The following RBM47 variants were observed in gnomAD, a reference collection of about 807,000 sequenced individuals.
RBM47 encodes the protein RNA-binding protein 47.
RBM47 carries 21 observed loss-of-function variants against 47.1 expected under a neutral mutation model. The observed-to-expected ratio is 0.45, with a 90% CI of 0.32 to 0.64. The LOEUF (loss-of-function observed/expected upper bound fraction) is 0.64. Among genes scored for constraint, RBM47 ranks in the 30% least tolerant of loss-of-function variants. The pLI, the probability that RBM47 is intolerant of heterozygous loss-of-function variation, is 0.05. For synonymous variants in RBM47, 375 were observed against 361.7 expected (o/e 1.04, Z -0.42); for missense variants, 708 against 870.9 (o/e 0.81, Z 2.35).
chr4:40,507,227 G>T (rs1482820078), intron 2 of RBM47, among the ~76,000 whole-genome samples: 1 of 152,042 alleles, frequency 6.6e-6, no homozygotes, highest in African/African-American at 2.4e-5. Flanking sequence ...AAAGTGCTGG[G>T]ATTACAGGCA....
chr4:40,557,663 C>T (rs1011905376), intron 1 of RBM47, among the ~76,000 whole-genome samples: 9 of 152,066 alleles, frequency 5.9e-5, no homozygotes, highest in South Asian at 2.1e-4. Flanking sequence ...GCAGGAGAAT[C>T]GCTTGAACCC....
chr4:40,539,913 C>G (rs953653546), intron 2 of RBM47, among the ~76,000 whole-genome samples: 1 of 152,050 alleles, frequency 6.6e-6, no homozygotes, highest in African/African-American at 2.4e-5. Flanking sequence ...TTCACCAGGC[C>G]ACGTTTTCCT....
At chr4:40,490,085 C>T (rs1418289611) in intron 2 of RBM47, among the ~76,000 whole-genome samples, 1 of 152,122 alleles carries the variant, frequency 6.6e-6, no homozygotes, top group Non-Finnish European at 1.5e-5. Flanking sequence ...TGCACCAACC[C>T]TTCATAACTA....
At chr4:40,528,872 G>A (rs1219858460) in intron 2 of RBM47, among the ~76,000 whole-genome samples, 1 of 151,906 alleles carries the variant, frequency 6.6e-6, no homozygotes, top group Non-Finnish European at 1.5e-5. Context: ...GAACCCGGGA[G>A]GCGGAGCTTG....
intron 3 of RBM47, among the ~76,000 whole-genome samples, chr4:40,445,995 G>A (rs925019293): frequency 6.6e-5 from 10 of 152,188 alleles, no homozygotes; most frequent in African/African-American, 2.4e-4. Flanking sequence ...TTTAGGCTTC[G>A]TAGCATGTTG....
intron 2 of RBM47, among the ~76,000 whole-genome samples, chr4:40,503,159 A>C (rs560242327): frequency 1.3e-5 from 2 of 151,980 alleles, no homozygotes; most frequent in African/African-American, 2.4e-5. Flanking sequence ...AAGACATGAA[A>C]TCAGAACCTA....
intron 1 of RBM47, among the ~76,000 whole-genome samples, chr4:40,583,042 G>A (rs1224411891): frequency 6.6e-6 from 1 of 152,192 alleles, no homozygotes; most frequent in Admixed American, 6.5e-5. Context: ...AATGTGCGAA[G>A]TACAGAAGAG....
rs1173908687 is a variant in RBM47, at chr4:40,438,819, G to A, written c.75C>T (p.Gly25=). The change falls in exon 4 of 7, where the codon GGC becomes GGT. Residue 25 remains glycine, a synonymous_variant. Transcript: ENST00000295971. ...AAGSSAKVPE[G]VAGAPNEAAL... ...CTGCCTCGTTGGGCGCGCCCGCCAC[G>A]CCCTCGGGCACCTTGGCGGAGGACC... 2 of 1,555,910 alleles carry A rather than the reference G, an allele frequency of 1.3e-6. No homozygotes were observed. The highest frequency in any genetic ancestry group is 1.2e-5 in the South Asian group (1 of 86,616).
chr4:40,518,620 G>A (rs567101873), intron 2 of RBM47, among the ~76,000 whole-genome samples: 3 of 152,146 alleles, frequency 2.0e-5, no homozygotes, highest in Admixed American at 1.3e-4. Flanking sequence ...GAACCTCAGC[G>A]GGTCCCAGTT....
chr4:40,451,050 C>T lies in RBM47; in HGVS notation c.-31-12126G>A, dbSNP rs367737260. Among the ~76,000 whole-genome samples, 78 of 151,934 alleles carry T rather than the reference C, an allele frequency of 5.1e-4. 1 individual carries two copies. The South Asian group carries it at 0.015, about 30-fold the overall frequency. On this transcript the variant is annotated intron_variant, in intron 3 of 6. Transcript: ENST00000295971. ...GCCTGGTGTCTTGATCTGGCTCTTA[C>T]GAATAGTCAAGGCTGGCCGGGCACA...
chr4:40,478,551 G>A (rs1719962198), intron 2 of RBM47, among the ~76,000 whole-genome samples: 1 of 152,222 alleles, frequency 6.6e-6, no homozygotes, highest in Non-Finnish European at 1.5e-5. Flanking sequence ...AGGTCCAGGA[G>A]AGGAAGAAAT....
At chr4:40,496,329 AACACAC>A (rs10597716) in intron 2 of RBM47, among the ~76,000 whole-genome samples, 37 of 129,232 alleles carry the variant, frequency 2.9e-4, no homozygotes, top group African/African-American at 8.5e-4. Flanking sequence ...GGAGAACTTA[AACACAC>A]ACACACACAC....
chr4:40,584,337 G>A (rs1733327914), intron 1 of RBM47, among the ~76,000 whole-genome samples: 1 of 152,098 alleles, frequency 6.6e-6, no homozygotes, highest in Admixed American at 6.6e-5. Flanking sequence ...AAAACCCTGT[G>A]AGCCATGACA....
rs565436336 is a variant in RBM47, at chr4:40,512,716, A to G, written c.-155+31706T>C. Among the ~76,000 whole-genome samples, 732 of 147,418 alleles carry G rather than the reference A, an allele frequency of 5.0e-3. 3 individuals are homozygous for G. Among genetic ancestry groups the G allele is most frequent in the African/African-American group, 0.017 (705 of 40,688 alleles). Reference sequence around the variant, plus strand: ...GGTGACAGAGTGAGACTTCATCTCAAAAAAAAAAAAAAAAGAAAGAAAGAA... The same window carrying G: ...GGTGACAGAGTGAGACTTCATCTCAGAAAAAAAAAAAAAAGAAAGAAAGAA... On this transcript the variant is annotated intron_variant, in intron 2 of 6. Coordinates refer to ENST00000295971, the MANE Select transcript of RBM47 (RefSeq NM_001098634.2).
chr4:40,577,886 G>A (rs192072879), intron 1 of RBM47, among the ~76,000 whole-genome samples: 263 of 152,254 alleles, frequency 1.7e-3, no homozygotes, highest in African/African-American at 6.2e-3. Flanking sequence ...TGGTGCGTGC[G>A]TGTAGTCCCA....
intron 4 of RBM47, among the ~76,000 whole-genome samples, chr4:40,437,159 TATATATATATATAATAC>T (rs1553877825): frequency 1.6e-3 from 10 of 6,326 alleles, no homozygotes; most frequent in Admixed American, 2.4e-3. Context: ...ATAAAATACA[TATATATATATATAATAC>T]ATATATATAT....
upstream of RBM47, chr4:40,630,259 GCTCGGCCCC>G (rs1430490955): frequency 6.6e-6 from 1 of 152,320 alleles, no homozygotes; most frequent in Non-Finnish European, 1.5e-5. Context: ...CGAGTCAGAC[GCTCGGCCCC>G]CTTCGGGCTG....
intron 2 of RBM47, among the ~76,000 whole-genome samples, chr4:40,525,248 G>A (rs1489707299): frequency 6.6e-6 from 1 of 152,118 alleles, no homozygotes; most frequent in Admixed American, 6.6e-5. Context: ...AACCAGCCTG[G>A]CCAACATGGC....
At chr4:40,466,200 G>A (rs402905) in intron 3 of RBM47, among the ~76,000 whole-genome samples, 44,695 of 146,348 alleles carry the variant, frequency 0.31, 7,134 homozygotes, top group Middle Eastern at 0.38. Context: ...CCTGGGAGGT[G>A]AAGGCTGCAG....
Sources: allele counts gnomAD v4.1 joint callset (sites outside exome capture counted in the v4.1 genomes callset), GRCh38; gene constraint gnomAD v4.1.1; transcripts MANE v1.5; gene names NCBI Gene and HGNC (gene_info 2026-07-23, HGNC 2026-07-21).